The following KIF16B variants were observed in gnomAD, a reference collection of about 807,000 sequenced individuals.
KIF16B encodes kinesin family member 16B.
In KIF16B, 98 loss-of-function variants were observed where a neutral mutation model predicts 156.3. That is an observed-to-expected ratio of 0.63 (90% CI 0.53 to 0.74). KIF16B has a LOEUF of 0.74. Among genes scored for constraint, KIF16B ranks in the 30% least tolerant of loss-of-function variants. The probability of loss-of-function intolerance (pLI) is 0.00; values close to 1 mark genes in which losing one functional copy is unlikely to be tolerated. For missense variants in KIF16B, 1,421 were observed against 1,606.5 expected (o/e 0.88, Z 1.97); for synonymous variants, 564 against 583.7 (o/e 0.97, Z 0.49).
intron 12 of KIF16B, among the ~76,000 whole-genome samples, chr20:16,475,843 C>T (rs1004143565): frequency 3.3e-5 from 5 of 152,312 alleles, no homozygotes; most frequent in Admixed American, 6.5e-5. Flanking sequence ...TAAGATATTA[C>T]CCTGGTACTC....
intron 12 of KIF16B, among the ~76,000 whole-genome samples, chr20:16,433,109 G>C (rs1228665435): frequency 6.6e-6 from 1 of 152,142 alleles, no homozygotes; most frequent in Admixed American, 6.6e-5. Flanking sequence ...AGCAGAAATG[G>C]GATGTGATTT....
At chr20:16,462,115 C>G (rs2067361176) in intron 12 of KIF16B, among the ~76,000 whole-genome samples, 2 of 152,118 alleles carry the variant, frequency 1.3e-5, no homozygotes, top group African/African-American at 4.8e-5. Flanking sequence ...GTGGCACACG[C>G]CTGTAGTCCC....
chr20:16,425,377 A>G (rs2066326188), intron 15 of KIF16B, among the ~76,000 whole-genome samples: 1 of 152,168 alleles, frequency 6.6e-6, no homozygotes, highest in Non-Finnish European at 1.5e-5. Context: ...AAATAGATAA[A>G]TGACAAGAAG....
chr20:16,333,733 G>T (rs1054116901), intron 24 of KIF16B, among the ~76,000 whole-genome samples: 1 of 152,108 alleles, frequency 6.6e-6, no homozygotes, highest in African/African-American at 2.4e-5. Flanking sequence ...TCATTCTGGA[G>T]TTTTCTTTAA....
chr20:16,295,271 G>C (rs138228581), intron 25 of KIF16B, among the ~76,000 whole-genome samples: 3 of 152,274 alleles, frequency 2.0e-5, no homozygotes, highest in African/African-American at 7.2e-5. Flanking sequence ...GCTGGCCTGA[G>C]GTCTGTGGAG....
At chr20:16,512,336 G>A (rs2068981564) in intron 5 of KIF16B, among the ~76,000 whole-genome samples, 1 of 152,142 alleles carries the variant, frequency 6.6e-6, no homozygotes, top group East Asian at 1.9e-4. Flanking sequence ...CAGTCAAGTA[G>A]GTGTAAAAAT....
intron 24 of KIF16B, among the ~76,000 whole-genome samples, chr20:16,321,445 T>TA (rs1473677876): frequency 6.6e-6 from 1 of 152,118 alleles, no homozygotes; most frequent in Non-Finnish European, 1.5e-5. Context: ...GAGCAATGTA[T>TA]AAAAACTTCT....
intron 1 of KIF16B, among the ~76,000 whole-genome samples, chr20:16,551,112 C>A (rs553683494): frequency 6.7e-6 from 1 of 149,564 alleles, no homozygotes; most frequent in South Asian, 2.1e-4. Flanking sequence ...GAAGAAACCA[C>A]CAGTGAGGGG....
intron 17 of KIF16B, among the ~76,000 whole-genome samples, chr20:16,382,925 C>T (rs1329037485): frequency 7.9e-5 from 12 of 152,280 alleles, no homozygotes; most frequent in Non-Finnish European, 2.9e-5. Context: ...AGTGAACAAA[C>T]TTCAAATAGT....
Position 16,335,987 on chromosome 20 carries a change from A to G in KIF16B, c.3650T>C (p.Val1217Ala), listed in dbSNP as rs562277185. Residue 1217 changes from valine (V) to alanine (A), a missense_variant, in exon 24 of 26, where the codon GTA becomes GCA. Transcript: ENST00000354981. ...TCGAAAACGACTGTAACGCCTGAAT[A>G]CAGTCCATGTCTCATCTAGGACAGT... Reference protein sequence around the residue: ...KITVLDETWTVFRRYSRFREM... With the variant: ...KITVLDETWTAFRRYSRFREM... The G allele has an allele frequency of 3.1e-6, 5 of 1,609,724 alleles. No homozygotes were observed. In the South Asian group the frequency reaches 5.5e-5, roughly 18 times the overall value.
intron 12 of KIF16B, among the ~76,000 whole-genome samples, chr20:16,467,863 G>C (rs147904386): frequency 6.6e-6 from 1 of 152,078 alleles, no homozygotes; most frequent in South Asian, 2.1e-4. Flanking sequence ...TGATCTAATA[G>C]TTAACAGTTG....
At chr20:16,429,334 A>ATATAAAACAAATGC (rs2066439069) in intron 13 of KIF16B, among the ~76,000 whole-genome samples, 2 of 152,200 alleles carry the variant, frequency 1.3e-5, no homozygotes, top group Non-Finnish European at 2.9e-5. Context: ...TAGTTTATGT[A>ATATAAAACAAATGC]AGTCTGCAAA....
At chr20:16,405,013 TA>T in intron 16 of KIF16B, 112 bp from the exon 17 acceptor site, 1 of 709,996 alleles carries the variant, frequency 1.4e-6, no homozygotes, top group South Asian at 1.6e-5. Context: ...TGCTCCTAAT[TA>T]ACACGCACCA....
chr20:16,372,302 C>T (rs774696026), intron 20 of KIF16B, among the ~76,000 whole-genome samples: 5 of 152,302 alleles, frequency 3.3e-5, no homozygotes, highest in Middle Eastern at 3.4e-3. Context: ...CTTGTATTCC[C>T]GGTCTGTCTC....
At position 16,335,781 on chromosome 20, in the gene KIF16B, G is replaced by T. The variant is rs570805964; in HGVS notation, c.3711+145C>A. ...AATTTAAAGTTATCTTTGATAAATG[G>T]GTTATTGAAGTAAGACTTAGTGACA... On this transcript the variant is annotated intron_variant, in intron 24 of 25. Coordinates refer to ENST00000354981, the MANE Select transcript of KIF16B (RefSeq NM_024704.5). 2.6e-3 allele frequency: 1,233 copies of T among 477,874 alleles called. 1 individual carries two copies. The highest frequency in any genetic ancestry group is 4.1e-3 in the Non-Finnish European group (1,107 of 272,602). The allele number at this position is 477,874 out of a possible 1,614,324, so 29.6% of individuals were successfully genotyped here. A position where few individuals can be genotyped will look rare whatever the true frequency, so the allele number is the denominator to read the frequency against.
At chr20:16,428,217 T>G (rs2066408482) in intron 14 of KIF16B, among the ~76,000 whole-genome samples, 1 of 152,178 alleles carries the variant, frequency 6.6e-6, no homozygotes, top group South Asian at 2.1e-4. Flanking sequence ...CCATTACTGT[T>G]GCACCAACCT....
intron 15 of KIF16B, among the ~76,000 whole-genome samples, chr20:16,415,861 C>T (rs1022760318): frequency 2.6e-5 from 4 of 152,132 alleles, no homozygotes; most frequent in Non-Finnish European, 4.4e-5. Context: ...ACACTCCACC[C>T]TGTTTCTCCT....
intron 22 of KIF16B, among the ~76,000 whole-genome samples, chr20:16,365,207 T>C (rs1309560948): frequency 6.6e-6 from 1 of 152,036 alleles, no homozygotes; most frequent in South Asian, 2.1e-4. Context: ...AAAAAAGGAA[T>C]GCAAAATATA....
At chr20:16,441,517 T>TTTC (rs1448548860) in intron 12 of KIF16B, among the ~76,000 whole-genome samples, 2 of 152,184 alleles carry the variant, frequency 1.3e-5, no homozygotes, top group African/African-American at 4.8e-5. Flanking sequence ...TTTCTCCCGC[T>TTTC]AGACCAAGAA....
Sources: allele counts gnomAD v4.1 joint callset (sites outside exome capture counted in the v4.1 genomes callset), GRCh38; gene constraint gnomAD v4.1.1; transcripts MANE v1.5; gene names NCBI Gene and HGNC (gene_info 2026-07-23, HGNC 2026-07-21).